Variants in SMARCAL1 observed in about 807,000 individuals in gnomAD.
SMARCAL1 encodes the protein ATP-driven annealing helicase.
In SMARCAL1, 58 loss-of-function variants were observed where a neutral mutation model predicts 94.5. The ratio of observed to expected loss-of-function variants is 0.61; its 90% confidence interval spans 0.50 to 0.76. The LOEUF (loss-of-function observed/expected upper bound fraction) is 0.76, where lower values mean the gene tolerates loss of function less well. Among genes scored for constraint, SMARCAL1 ranks in the 30% least tolerant of loss-of-function variants. SMARCAL1 has a pLI of 0.00. For synonymous variants in SMARCAL1, 422 were observed against 455.1 expected, an observed-to-expected ratio of 0.93 and a Z score of 0.93; for missense variants, 1,051 against 1,177.9, an observed-to-expected ratio of 0.89 and a Z score of 1.58.
intron 12 of SMARCAL1, 25 bp from the exon 13 acceptor site, chr2:216,464,572 A>C (rs762912450): frequency 3.5e-5 from 55 of 1,577,630 alleles, no homozygotes; most frequent in Non-Finnish European, 4.5e-5. Context: ...GGGGCACTTA[A>C]CATTCTTAAC....
At chr2:216,445,447 A>G (rs1267220748) in intron 10 of SMARCAL1, among the ~76,000 whole-genome samples, 3 of 152,148 alleles carry the variant, frequency 2.0e-5, no homozygotes, top group Non-Finnish European at 2.9e-5. Flanking sequence ...ATTTAATACT[A>G]ACTACATCCT....
chr2:216,425,133 G>A (rs569198233), intron 6 of SMARCAL1, among the ~76,000 whole-genome samples: 6 of 152,306 alleles, frequency 3.9e-5, no homozygotes, highest in South Asian at 2.1e-4. Flanking sequence ...GGCAGGCTGC[G>A]CTCGGCTCAC....
intron 16 of SMARCAL1, among the ~76,000 whole-genome samples, 181 bp downstream of exon 16, chr2:216,477,390 C>T (rs570722699): frequency 2.6e-5 from 4 of 152,312 alleles, no homozygotes; most frequent in Admixed American, 2.6e-4. Flanking sequence ...CCCTCACTAG[C>T]GTTCACTGGT....
intron 11 of SMARCAL1, 46 bp from the exon 12 acceptor site, chr2:216,450,786 CCCTGTTGGACTGGG>C: frequency 7.1e-7 from 1 of 1,400,890 alleles, no homozygotes; most frequent in East Asian, 2.3e-5. Flanking sequence ...GATCCCAAGT[CCCTGTTGGACTGGG>C]CCTGAAAGGA....
At chr2:216,478,063 T>C in intron 16 of SMARCAL1, 140 bp from the exon 17 acceptor site, 1 of 779,960 alleles carries the variant, frequency 1.3e-6, no homozygotes, top group African/African-American at 1.7e-5. Flanking sequence ...TCAAGATGGG[T>C]GTTTGCACCT....
chr2:216,456,370 A>G (rs1324148632), intron 12 of SMARCAL1, among the ~76,000 whole-genome samples: 1 of 152,224 alleles, frequency 6.6e-6, no homozygotes, highest in African/African-American at 2.4e-5. Context: ...CCTTGAGAAG[A>G]GCAACTCCAA....
chr2:216,414,449 G>T, intron 2 of SMARCAL1, 198 bp from the exon 3 acceptor site: 4 of 465,662 alleles, frequency 8.6e-6, no homozygotes, highest in East Asian at 4.3e-5. Flanking sequence ...CCTGCTTTTT[G>T]CTTTTTGATC....
intron 16 of SMARCAL1, 65 bp downstream of exon 16, chr2:216,477,274 A>T (rs1695105415): frequency 3.3e-6 from 4 of 1,198,360 alleles, no homozygotes; most frequent in Non-Finnish European, 4.9e-6. Context: ...TGATATGTTT[A>T]CTTTGCTCCC....
intron 8 of SMARCAL1, among the ~76,000 whole-genome samples, chr2:216,433,087 C>T (rs778651258): frequency 7.9e-5 from 12 of 152,094 alleles, no homozygotes; most frequent in Non-Finnish European, 1.6e-4. Context: ...AAGGAGAAAC[C>T]GGCTTAGAGA....
Position 216,475,511 on chromosome 2 carries a change from CAGTG to C in SMARCAL1, c.2427+65_2427+68del. 1 of 1,546,838 alleles carries C rather than the reference CAGTG, an allele frequency of 6.5e-7. No homozygotes were observed. The highest frequency in any genetic ancestry group is 8.9e-7 in the Non-Finnish European group (1 of 1,118,908). Reference sequence around the variant, plus strand: ...CATGCTCATGGCTGTGGGCAGGAAGCAGTGAGTGTCGGTCGGGGAAAGTGTGGTT... The same window carrying C: ...CATGCTCATGGCTGTGGGCAGGAAGCAGTGTCGGTCGGGGAAAGTGTGGTT... On this transcript the variant is annotated intron_variant, in intron 15 of 17. Coordinates refer to ENST00000357276, the MANE Select transcript of SMARCAL1 (RefSeq NM_014140.4). The surrounding 1 kb of genome is among the most constrained non-coding windows in gnomAD (Gnocchi z 4.4).
rs1474421196 is a variant in SMARCAL1 at position 216,474,120 on chromosome 2, A to G, written c.2245-1149A>G. Among the ~76,000 whole-genome samples the G allele has an allele frequency of 2.9e-5, 4 of 136,840 alleles. No homozygotes were observed. The East Asian group carries it at 9.2e-4, about 31-fold the overall frequency. The allele number at this position is 136,840 out of a possible 152,430, so 89.8% of individuals were successfully genotyped here. A position where few individuals can be genotyped will look rare whatever the true frequency, so the allele number is the denominator to read the frequency against. Reference sequence around the variant, plus strand: ...GCTGTGCAATTTATATAACATTTGTATAGCATTCTTTTTTTTTTTTTTTTT... The same window carrying G: ...GCTGTGCAATTTATATAACATTTGTGTAGCATTCTTTTTTTTTTTTTTTTT... On this transcript the variant is annotated intron_variant, in intron 14 of 17. Transcript: ENST00000357276.
chr2:216,450,812 C>A, intron 11 of SMARCAL1, 34 bp from the exon 12 acceptor site: 2 of 1,568,322 alleles, frequency 1.3e-6, no homozygotes, highest in Non-Finnish European at 1.8e-6. Context: ...CTGAAAGGAG[C>A]CTCATGGGGC....
intron 12 of SMARCAL1, among the ~76,000 whole-genome samples, chr2:216,463,449 T>C (rs1694752098): frequency 6.6e-6 from 1 of 152,132 alleles, no homozygotes; most frequent in South Asian, 2.1e-4. Flanking sequence ...CCTTATGATC[T>C]AAGCATCTCC....
At chr2:216,442,994 T>C (rs1482362215) in intron 10 of SMARCAL1, among the ~76,000 whole-genome samples, 2 of 152,178 alleles carry the variant, frequency 1.3e-5, no homozygotes, top group African/African-American at 4.8e-5. Flanking sequence ...TCTCATTTAT[T>C]TCCTCACTTT....
In SMARCAL1 at chr2:216,449,123, G is replaced by A. The variant is rs185860617; in HGVS notation, c.1852-1723G>A. 2.6e-5 allele frequency among the ~76,000 whole-genome samples: 4 copies of A among 152,230 alleles called. No homozygotes were observed. The South Asian group carries it at 8.3e-4, about 31-fold the overall frequency. The stretch of plus-strand genomic sequence containing the variant: ...AGGCATCATATGGAGAAGAGGGCAA[G>A]AGCATATGTGTCAGCTCAGGTCTCT... On this transcript the variant is annotated intron_variant, in intron 11 of 17. Transcript: ENST00000357276.
chr2:216,456,012 G>A (rs1694558555), intron 12 of SMARCAL1, among the ~76,000 whole-genome samples: 1 of 152,260 alleles, frequency 6.6e-6, no homozygotes, highest in Non-Finnish European at 1.5e-5. Flanking sequence ...TAAAGGACCT[G>A]ATGGAGCTTA....
At position 216,435,419 on chromosome 2, in the gene SMARCAL1, C is replaced by T. The variant is rs1408214634; in HGVS notation, c.1567C>T (p.Leu523=). ...TGGGAAGGACCGCCTGACAGCTGGC[C>T]TGATCAACATTGTCAGCTTTGACCT... ...VTGKDRLTAG[L]INIVSFDLLS... is the part of the protein sequence containing the mutation. Residue 523 remains leucine, a synonymous_variant, in exon 9 of 18, where the codon CTG becomes TTG. Coordinates refer to ENST00000357276, the MANE Select transcript of SMARCAL1 (RefSeq NM_014140.4). The T allele has an allele frequency of 1.1e-5, 17 of 1,614,120 alleles. No individual in the cohort carries two copies. The highest frequency in any genetic ancestry group is 1.4e-5 in the Non-Finnish European group (17 of 1,179,966).
At position 216,438,953 on chromosome 2, in the gene SMARCAL1, C is replaced by T. The variant is rs572981232; in HGVS notation, c.1710+468C>T. 3.9e-5 allele frequency among the ~76,000 whole-genome samples: 6 copies of T among 152,298 alleles called. No homozygotes were observed. In the East Asian group the frequency reaches 9.6e-4, roughly 24 times the overall value. ...AAGTAATGGCAAAAAAACGCAATTA[C>T]TTTTGCATCAACCTAATACAAACAG... On this transcript the variant is annotated intron_variant, in intron 10 of 17. Transcript: ENST00000357276.
intron 10 of SMARCAL1, among the ~76,000 whole-genome samples, chr2:216,441,109 G>T (rs1559128994): frequency 1.3e-5 from 2 of 152,144 alleles, no homozygotes; most frequent in African/African-American, 2.4e-5. Flanking sequence ...ACATCTCTTA[G>T]AACTATATTC....
Sources: gnomAD v4.1 joint callset for allele counts (sites outside exome capture counted in the v4.1 genomes callset) on GRCh38, gnomAD v4.1.1 for gene constraint, Gnocchi (gnomAD v3.1) non-coding constraint, MANE v1.5 for transcripts, NCBI Gene and HGNC (gene_info 2026-07-23, HGNC 2026-07-21) for gene names.